Variants in RIMS4 observed in about 807,000 individuals in gnomAD.
RIMS4 encodes regulating synaptic membrane exocytosis 4.
Under a neutral mutation model 29.0 loss-of-function variants are expected in RIMS4, and 9 were observed. That is an observed-to-expected ratio of 0.31 (90% CI 0.19 to 0.54). RIMS4 has a LOEUF of 0.54. Ranked by LOEUF, RIMS4 falls within the 20% of genes least tolerant of loss-of-function variation. The pLI, the probability that RIMS4 is intolerant of heterozygous loss-of-function variation, is 0.94. For synonymous variants in RIMS4, 130 were observed against 152.9 expected, an observed-to-expected ratio of 0.85 and a Z score of 1.10; for missense variants, 193 against 365.7, an observed-to-expected ratio of 0.53 and a Z score of 3.85.
intron 2 of RIMS4, among the ~76,000 whole-genome samples, 169 bp from the exon 3 acceptor site, chr20:44,758,353 A>G (rs2066069666): frequency 6.6e-6 from 1 of 152,238 alleles, no homozygotes; most frequent in African/African-American, 2.4e-5. Context: ...TGATACTCAA[A>G]GTGTGGTTCA....
chr20:44,787,642 T>C (rs978960561), intron 1 of RIMS4, among the ~76,000 whole-genome samples: 20 of 151,880 alleles, frequency 1.3e-4, no homozygotes, highest in Admixed American at 1.2e-3. Context: ...TTGGACTCCT[T>C]TGAAAATCTG....
chr20:44,764,067 T>TATCC lies in RIMS4; in HGVS notation c.237-5887_237-5884dup, dbSNP rs1170004249. Among the ~76,000 whole-genome samples the TATCC allele has an allele frequency of 3.9e-4, 35 of 90,264 alleles. No homozygotes were observed. In the East Asian group the frequency reaches 4.2e-3, roughly 11 times the overall value. The allele number at this position is 90,264 out of a possible 152,430, so 59.2% of individuals were successfully genotyped here. A position where few individuals can be genotyped will look rare whatever the true frequency, so the allele number is the denominator to read the frequency against. Reference sequence around the variant, plus strand: ...CCATTTATCCATCCATCCATCCATTTATCCATCCATCCATCCATCCATCCA... The same window carrying TATCC: ...CCATTTATCCATCCATCCATCCATTTATCCATCCATCCATCCATCCATCCATCCA... On this transcript the variant is annotated intron_variant, in intron 2 of 5. Transcript: ENST00000372851.
intron 1 of RIMS4, among the ~76,000 whole-genome samples, chr20:44,809,000 T>G (rs2066311056): frequency 6.6e-6 from 1 of 152,156 alleles, no homozygotes; most frequent in Admixed American, 6.5e-5. Flanking sequence ...CATACACTCC[T>G]CCAGCACATA....
Position 44,810,195 on chromosome 20 carries a change from GAGTTCATGCACGGGA to G in RIMS4, c.62_76del (p.Phe21_Asn25del). ...CTTACCTGCGTCCTCGTCGTCGAAG[GAGTTCATGCACGGGA>G]AGTAGATGGCGAGCGCCTCGAAGGA... On this transcript the variant is annotated inframe_deletion, in exon 1 of 6. Transcript: ENST00000372851. 6.3e-7 allele frequency: 1 copy of G among 1,591,290 alleles called. No individual in the cohort carries two copies.
At chr20:44,758,228 T>TTA (rs1485575660) in intron 2 of RIMS4, 44 bp from the exon 3 acceptor site, 1 of 1,408,260 alleles carries the variant, frequency 7.1e-7, no homozygotes, top group African/African-American at 1.4e-5. Flanking sequence ...TCCCAGTGGT[T>TTA]TACCAACAAC....
At chr20:44,781,206 C>T (rs781226446) in intron 1 of RIMS4, among the ~76,000 whole-genome samples, 2 of 152,100 alleles carry the variant, frequency 1.3e-5, no homozygotes, top group Non-Finnish European at 1.5e-5. Context: ...AGATCCTGTG[C>T]GGTAGACTCA....
rs540136540 is a variant in RIMS4, at chr20:44,793,789, G to C, written c.97+16386C>G. Among the ~76,000 whole-genome samples, 8 of 152,316 alleles carry C rather than the reference G, an allele frequency of 5.3e-5. No individual in the cohort carries two copies. The East Asian group carries it at 1.3e-3, about 26-fold the overall frequency. The stretch of plus-strand genomic sequence containing the variant: ...CCCAGGTCTAAAGGTAGAAATGAAG[G>C]CTGGGCATGGTGGCTCATGCTTGTA... On this transcript the variant is annotated intron_variant, in intron 1 of 5. Transcript: ENST00000372851.
At position 44,756,194 on chromosome 20, in the gene RIMS4, G is replaced by A. The variant is rs141127095; in HGVS notation, c.750C>T (p.Leu250=). 4.6e-4 allele frequency: 736 copies of A among 1,613,850 alleles called. No homozygotes were observed. The highest frequency in any genetic ancestry group is 5.9e-4 in the Non-Finnish European group (695 of 1,179,986). Residue 250 remains leucine (L), a synonymous_variant, in exon 6 of 6, where the codon CTC becomes CTT. Coordinates refer to ENST00000372851, the MANE Select transcript of RIMS4 (RefSeq NM_182970.4). The surrounding 1 kb of genome is among the most constrained non-coding windows in gnomAD (Gnocchi z 5.9). ...SMVDPATGPL[L]RQASQLSLES... is the part of the protein sequence containing the mutation. Reference sequence around the variant, plus strand: ...CGAGGGACAACTGGGATGCCTGCCGGAGCAGGGGGCCTGTGGCTGGGTCCA... The same window carrying A: ...CGAGGGACAACTGGGATGCCTGCCGAAGCAGGGGGCCTGTGGCTGGGTCCA...
intron 1 of RIMS4, among the ~76,000 whole-genome samples, chr20:44,774,488 C>A (rs998634659): frequency 6.6e-6 from 1 of 152,094 alleles, no homozygotes; most frequent in Non-Finnish European, 1.5e-5. Flanking sequence ...AGCCTCCCAG[C>A]GTGCATCTTC....
In RIMS4 at chr20:44,810,390, C is replaced by G. The variant is rs1456051209; in HGVS notation, c.-119G>C. On this transcript the variant is annotated 5_prime_UTR_variant, in exon 1 of 6. Coordinates refer to ENST00000372851, the MANE Select transcript of RIMS4 (RefSeq NM_182970.4). ...GGCGCGCGGCGTGGTGGCGGCGGCCCGGGGCCGGGCCGAGGCTCCGCTGCG... is the reference window on the plus strand; with the variant it reads ...GGCGCGCGGCGTGGTGGCGGCGGCCGGGGGCCGGGCCGAGGCTCCGCTGCG... 1 of 166,342 alleles carries G rather than the reference C, an allele frequency of 6.0e-6. No individual in the cohort carries two copies. Among genetic ancestry groups the G allele is most frequent in the East Asian group, 2.0e-4 (1 of 4,900 alleles). 10.3% of individuals were successfully genotyped at this position (166,342 alleles called of 1,614,324 possible).
intron 1 of RIMS4, among the ~76,000 whole-genome samples, chr20:44,795,561 G>A (rs1051873643): frequency 2.6e-5 from 4 of 152,176 alleles, no homozygotes; most frequent in Non-Finnish European, 5.9e-5. Context: ...GAACCTGGGA[G>A]GCAGAGCTTG....
chr20:44,797,855 C>A (rs534476512), intron 1 of RIMS4, among the ~76,000 whole-genome samples: 240 of 152,342 alleles, frequency 1.6e-3, no homozygotes, highest in African/African-American at 5.6e-3. Flanking sequence ...ATTAAACCAC[C>A]TGTAGGTTAC....
Position 44,775,166 on chromosome 20 carries a change from T to A in RIMS4, c.98-3753A>T, listed in dbSNP as rs542636016. Among the ~76,000 whole-genome samples the A allele has an allele frequency of 2.0e-5, 3 of 152,238 alleles. No individual in the cohort carries two copies. In the South Asian group the frequency reaches 6.2e-4, roughly 32 times the overall value. On this transcript the variant is annotated intron_variant, in intron 1 of 5. Transcript: ENST00000372851. The stretch of plus-strand genomic sequence containing the variant: ...CGCTTCTAAGTGCTGCACCTGCTGA[T>A]AAAACACACTGACGGGAGCCAGGGA...
At chr20:44,757,901 C>T in intron 3 of RIMS4, 130 bp from the exon 4 acceptor site, 2 of 982,482 alleles carry the variant, frequency 2.0e-6, no homozygotes, top group South Asian at 1.4e-5. Context: ...CCAGAACCAA[C>T]TCCCACCAAG....
chr20:44,774,395 C>T (rs548822525), intron 1 of RIMS4, among the ~76,000 whole-genome samples: 1 of 152,274 alleles, frequency 6.6e-6, no homozygotes, highest in South Asian at 2.1e-4. Flanking sequence ...CAGACCCACC[C>T]TCAATCTGGG....
chr20:44,764,196 ATC>A (rs1491122444), intron 2 of RIMS4, among the ~76,000 whole-genome samples: 27 of 61,868 alleles, frequency 4.4e-4, no homozygotes, highest in East Asian at 5.8e-4. Context: ...CCATTTATCC[ATC>A]CATCCATCCA....
intron 1 of RIMS4, among the ~76,000 whole-genome samples, chr20:44,780,352 C>T (rs1462001943): frequency 6.6e-6 from 1 of 152,170 alleles, no homozygotes; most frequent in Non-Finnish European, 1.5e-5. Flanking sequence ...AGGAACTGTC[C>T]GTGGTGCTGA....
At chr20:44,764,238 T>TCATCCATC (rs1351589859) in intron 2 of RIMS4, among the ~76,000 whole-genome samples, 39 of 127,548 alleles carry the variant, frequency 3.1e-4, no homozygotes, top group African/African-American at 1.2e-3. Flanking sequence ...GTCCATCCAT[T>TCATCCATC]CATCCATCCA....
At chr20:44,789,457 C>T (rs897757162) in intron 1 of RIMS4, among the ~76,000 whole-genome samples, 5 of 151,942 alleles carry the variant, frequency 3.3e-5, no homozygotes, top group Admixed American at 1.3e-4. Context: ...CCACCACACC[C>T]GGCTAATTTT....
Sources: gnomAD v4.1 joint callset for allele counts (sites outside exome capture counted in the v4.1 genomes callset) on GRCh38, gnomAD v4.1.1 for gene constraint, Gnocchi (gnomAD v3.1) non-coding constraint, MANE v1.5 for transcripts, NCBI Gene and HGNC (gene_info 2026-07-23, HGNC 2026-07-21) for gene names.